NPNT: variants seen among roughly 807,000 people sequenced by gnomAD.
NPNT encodes the protein preosteoblast EGF-like repeat protein with MAM domain.
A neutral mutation model predicts 68.6 loss-of-function variants in NPNT; 45 were observed. That is an observed-to-expected ratio of 0.66 (90% CI 0.52 to 0.84). NPNT has a LOEUF of 0.84. NPNT is among the 40% of genes least tolerant of loss of function. The pLI, the probability that NPNT is intolerant of heterozygous loss-of-function variation, is 0.00. For missense variants in NPNT, 672 were observed against 714.8 expected, an observed-to-expected ratio of 0.94 and a Z score of 0.68; for synonymous variants, 233 against 253.3, an observed-to-expected ratio of 0.92 and a Z score of 0.76.
Position 105,940,189 on chromosome 4 carries a change from G to A in NPNT, c.620G>A (p.Gly207Glu), listed in dbSNP as rs1307007128. The A allele has an allele frequency of 6.2e-7, 1 of 1,613,410 alleles. No homozygotes were observed. Among genetic ancestry groups the A allele is most frequent in the Non-Finnish European group, 8.5e-7 (1 of 1,179,636 alleles). ...CHKGFDLMYI[G>E]GKYQCHDIDE... is the part of the protein sequence containing the mutation. ...AAAGGCTTCGATCTCATGTATATTG[G>A]AGGCAAATATCAATGTCATGGTAAT... Residue 207 changes from glycine (G) to glutamate (E), a missense_variant, in exon 6 of 12, where the codon GGA becomes GAA. Transcript: ENST00000379987.
chr4:105,919,328 G>A (rs1317957269), intron 2 of NPNT, among the ~76,000 whole-genome samples: 3 of 151,342 alleles, frequency 2.0e-5, no homozygotes, highest in Non-Finnish European at 4.4e-5. Flanking sequence ...ATGACACTTC[G>A]TGCCTAAACA....
intron 2 of NPNT, among the ~76,000 whole-genome samples, chr4:105,915,183 C>A (rs901310256): frequency 2.6e-5 from 4 of 152,112 alleles, no homozygotes; most frequent in Non-Finnish European, 4.4e-5. Flanking sequence ...GTAGCTGGCC[C>A]ATTTGGAAGA....
At chr4:105,918,629 A>C (rs997030613) in intron 2 of NPNT, among the ~76,000 whole-genome samples, 1 of 152,072 alleles carries the variant, frequency 6.6e-6, no homozygotes, top group Non-Finnish European at 1.5e-5. Context: ...TGTCCTTAAC[A>C]TGCATCTGTT....
At chr4:105,934,298 G>A (rs1396938109) in intron 3 of NPNT, among the ~76,000 whole-genome samples, 1 of 152,122 alleles carries the variant, frequency 6.6e-6, no homozygotes, top group Non-Finnish European at 1.5e-5. Flanking sequence ...ATGGCACTAG[G>A]TCAATGAGAA....
At chr4:105,907,319 A>G (rs1726980554) in intron 2 of NPNT, among the ~76,000 whole-genome samples, 1 of 152,198 alleles carries the variant, frequency 6.6e-6, no homozygotes, top group Non-Finnish European at 1.5e-5. Flanking sequence ...AAAAGCAAAT[A>G]GTGATTTTAA....
At position 105,970,878 on chromosome 4, in the gene NPNT, A is replaced by G; in HGVS notation, c.*1888A>G. 1 of 305,874 alleles carries G rather than the reference A, an allele frequency of 3.3e-6. No homozygotes were observed. The highest frequency in any genetic ancestry group is 6.4e-6 in the Non-Finnish European group (1 of 155,698). 18.9% of individuals were successfully genotyped at this position (305,874 alleles called of 1,614,324 possible). A position where few individuals can be genotyped will look rare whatever the true frequency, so the allele number is the denominator to read the frequency against. Reference sequence around the variant, plus strand: ...TTGACCTCCTAATGGAGAGGGATTGAAAGGGGAAGAGCCCACCAAATGCTG... The same window carrying G: ...TTGACCTCCTAATGGAGAGGGATTGGAAGGGGAAGAGCCCACCAAATGCTG... On this transcript the variant is annotated 3_prime_UTR_variant, in exon 12 of 12. Transcript: ENST00000379987.
chr4:105,956,078 T>C (rs966519228), intron 8 of NPNT, among the ~76,000 whole-genome samples: 3 of 152,094 alleles, frequency 2.0e-5, no homozygotes, highest in Non-Finnish European at 4.4e-5. Flanking sequence ...TTAATATTAA[T>C]AATTTATATT....
At chr4:105,900,965 C>T (rs111619422) in intron 2 of NPNT, among the ~76,000 whole-genome samples, 15 of 150,650 alleles carry the variant, frequency 1.0e-4, no homozygotes, top group African/African-American at 3.4e-4. Context: ...ATTGATGTGG[C>T]TGTTTATTGT....
At chr4:105,895,967 C>T (rs1199179396) in intron 1 of NPNT, 3 of 548,278 alleles carry the variant, frequency 5.5e-6, no homozygotes, top group Non-Finnish European at 9.7e-6. Flanking sequence ...GCGACTCGCC[C>T]CGGCTCGGGA....
chr4:105,968,882 A>G lies in NPNT; in HGVS notation c.1603-13A>G, dbSNP rs765119392. ...CAGAGGAGGCTTGACTGGTGTGTGCATTCTCTCCCTAGGTCGTCTTCAAAG... is the reference window on the plus strand; with the variant it reads ...CAGAGGAGGCTTGACTGGTGTGTGCGTTCTCTCCCTAGGTCGTCTTCAAAG... On this transcript the variant is annotated splice_polypyrimidine_tract_variant and intron_variant, in intron 11 of 11. Transcript: ENST00000379987. 1 of 1,553,998 alleles carries G rather than the reference A, an allele frequency of 6.4e-7. No individual in the cohort carries two copies. The highest frequency in any genetic ancestry group is 8.9e-7 in the Non-Finnish European group (1 of 1,125,822).
chr4:105,898,320 C>CTG (rs1726076397), intron 2 of NPNT, among the ~76,000 whole-genome samples: 2 of 125,192 alleles, frequency 1.6e-5, no homozygotes, highest in African/African-American at 4.0e-5. Flanking sequence ...CTGTCTCTCT[C>CTG]TCTCTCTGTC....
chr4:105,929,204 TAGTTTTCTGTTCC>T (rs1728924924), intron 3 of NPNT, among the ~76,000 whole-genome samples: 1 of 152,148 alleles, frequency 6.6e-6, no homozygotes, highest in Admixed American at 6.6e-5. Context: ...ATGCAGTGTT[TAGTTTTCTGTTCC>T]TGTGTTAAGA....
At chr4:105,944,064 G>C (rs1730189642) in intron 8 of NPNT, among the ~76,000 whole-genome samples, 1 of 152,022 alleles carries the variant, frequency 6.6e-6, no homozygotes, top group Admixed American at 6.6e-5. Context: ...TTCTCCTCTG[G>C]GTAATTGTCC....
intron 2 of NPNT, among the ~76,000 whole-genome samples, chr4:105,905,523 C>A (rs1316838690): frequency 6.6e-6 from 1 of 152,026 alleles, no homozygotes; most frequent in African/African-American, 2.4e-5. Flanking sequence ...GGTTCTGTAT[C>A]TTGATTTTTT....
At chr4:105,931,847 AG>A (rs1234183185) in intron 3 of NPNT, among the ~76,000 whole-genome samples, 1 of 152,066 alleles carries the variant, frequency 6.6e-6, no homozygotes, top group African/African-American at 2.4e-5. Flanking sequence ...CTAAAAAAAA[AG>A]GAAGTTGTAT....
At chr4:105,926,360 A>G (rs1399483999) in intron 2 of NPNT, among the ~76,000 whole-genome samples, 1 of 152,208 alleles carries the variant, frequency 6.6e-6, no homozygotes, top group Non-Finnish European at 1.5e-5. Flanking sequence ...GGACATGCAC[A>G]TATTTGGTAC....
chr4:105,946,126 T>C (rs2149382807), intron 8 of NPNT, among the ~76,000 whole-genome samples: 1 of 152,346 alleles, frequency 6.6e-6, no homozygotes, highest in East Asian at 1.9e-4. Context: ...ATCTGGGGCA[T>C]ATTATTATAT....
chr4:105,938,368 C>T lies in NPNT; in HGVS notation c.453C>T (p.Cys151=). ...ATGTTGTTAAAGGACAAATACGGTGCCAGTGCCCATCCCCTGGCCTGCAGC... is the reference window on the plus strand; with the variant it reads ...ATGTTGTTAAAGGACAAATACGGTGTCAGTGCCCATCCCCTGGCCTGCAGC... ...GCDVVKGQIR[C]QCPSPGLQLA... is the part of the protein sequence containing the mutation. Residue 151 remains cysteine, a synonymous_variant, in exon 5 of 12, where the codon TGC becomes TGT. Transcript: ENST00000379987. 1 of 1,613,550 alleles carries T rather than the reference C, an allele frequency of 6.2e-7. No homozygotes were observed. The highest frequency in any genetic ancestry group is 8.5e-7 in the Non-Finnish European group (1 of 1,179,660).
At chr4:105,898,312 G>GTCTC (rs1386038909) in intron 2 of NPNT, among the ~76,000 whole-genome samples, 76 of 39,186 alleles carry the variant, frequency 1.9e-3, no homozygotes, top group Non-Finnish European at 2.9e-3. Context: ...CTCTCTCTCT[G>GTCTC]TCTCTCTCTC....
Sources: gnomAD v4.1 joint callset for allele counts (sites outside exome capture counted in the v4.1 genomes callset) on GRCh38, gnomAD v4.1.1 for gene constraint, MANE v1.5 for transcripts, NCBI Gene and HGNC (gene_info 2026-07-23, HGNC 2026-07-21) for gene names.